SRGAP3: variants seen among roughly 807,000 people sequenced by gnomAD.
SRGAP3 encodes SLIT-ROBO Rho GTPase-activating protein 3.
In SRGAP3, 39 loss-of-function variants were observed where a neutral mutation model predicts 121.1. The observed-to-expected ratio is 0.32, with a 90% CI of 0.25 to 0.42. SRGAP3 has a LOEUF of 0.42. SRGAP3 is among the 10% of genes least tolerant of loss of function. The pLI, the probability that SRGAP3 is intolerant of heterozygous loss-of-function variation, is 1.00. For missense variants in SRGAP3, 1,213 were observed against 1,470.6 expected (o/e 0.82, Z 2.86); for synonymous variants, 601 against 570.0 (o/e 1.05, Z -0.77).
intron 3 of SRGAP3, among the ~76,000 whole-genome samples, chr3:9,323,323 G>A (rs1351753750): frequency 6.6e-6 from 1 of 151,864 alleles, no homozygotes; most frequent in Non-Finnish European, 1.5e-5. Context: ...ATTTTACTGT[G>A]TATTACTTTT....
chr3:8,990,047 T>G (rs1278422766), intron 21 of SRGAP3, among the ~76,000 whole-genome samples: 1 of 152,242 alleles, frequency 6.6e-6, no homozygotes, highest in Admixed American at 6.5e-5. Context: ...AACTGTAAGC[T>G]CCATGTGGGC....
chr3:9,023,711 G>A (rs551622644), intron 14 of SRGAP3, among the ~76,000 whole-genome samples: 33 of 152,224 alleles, frequency 2.2e-4, no homozygotes, highest in African/African-American at 2.9e-4. Context: ...TATGGTATAG[G>A]GCTCAGTGCA....
intron 1 of SRGAP3, among the ~76,000 whole-genome samples, chr3:9,148,626 C>T (rs751158264): frequency 2.6e-5 from 4 of 152,158 alleles, no homozygotes; most frequent in East Asian, 1.9e-4. Flanking sequence ...TTTGACCCCA[C>T]GGGGCCTCCA....
intron 4 of SRGAP3, among the ~76,000 whole-genome samples, chr3:9,068,849 G>T (rs1019105730): frequency 1.3e-5 from 2 of 152,086 alleles, no homozygotes; most frequent in African/African-American, 4.8e-5. Context: ...CCTAATCCTG[G>T]GAGGTAGTGT....
intron 3 of SRGAP3, among the ~76,000 whole-genome samples, chr3:9,096,980 T>TACAC (rs60792299): frequency 2.0e-4 from 14 of 71,012 alleles, no homozygotes; most frequent in African/African-American, 8.0e-4. Context: ...TATATATATA[T>TACAC]ACACATACAC....
At chr3:9,046,853 T>A (rs1945306219) in intron 10 of SRGAP3, among the ~76,000 whole-genome samples, 1 of 150,946 alleles carries the variant, frequency 6.6e-6, no homozygotes, top group African/African-American at 2.4e-5. Context: ...TTTTTGGAGA[T>A]GGAGTCTCGC....
At chr3:9,266,252 T>A (rs1021048488) in intron 3 of SRGAP3, among the ~76,000 whole-genome samples, 1 of 152,198 alleles carries the variant, frequency 6.6e-6, no homozygotes, top group Non-Finnish European at 1.5e-5. Flanking sequence ...GGGATAGCAT[T>A]AGGAGAAATA....
At chr3:9,198,235 T>C (rs1951968275) in intron 1 of SRGAP3, among the ~76,000 whole-genome samples, 1 of 152,244 alleles carries the variant, frequency 6.6e-6, no homozygotes, top group Non-Finnish European at 1.5e-5. Context: ...ATTCTTTATA[T>C]GTCTACATGG....
intron 6 of SRGAP3, chr3:9,059,512 C>G (rs1234082328): frequency 1.3e-5 from 2 of 153,638 alleles, no homozygotes; most frequent in East Asian, 3.8e-4. Context: ...CCATACCAAG[C>G]CTTTACTAAA....
At chr3:9,058,574 C>A in intron 6 of SRGAP3, 102 bp from the exon 7 acceptor site, 1 of 1,237,492 alleles carries the variant, frequency 8.1e-7, no homozygotes. Context: ...CTTTCCACAG[C>A]CGAATCTTCC....
chr3:9,060,072 C>T (rs1946063869), intron 6 of SRGAP3, 159 bp downstream of exon 6: 1 of 1,160,334 alleles, frequency 8.6e-7, no homozygotes, highest in Non-Finnish European at 1.2e-6. Context: ...CATTTTCCAC[C>T]TCCCCAAATC....
chr3:9,106,565 T>C (rs1275445706), intron 2 of SRGAP3, among the ~76,000 whole-genome samples: 1 of 152,172 alleles, frequency 6.6e-6, no homozygotes, highest in African/African-American at 2.4e-5. Flanking sequence ...AATTCCCACA[T>C]GTTGTGGGAA....
At chr3:9,017,204 C>T (rs1943681773) in intron 14 of SRGAP3, among the ~76,000 whole-genome samples, 1 of 152,084 alleles carries the variant, frequency 6.6e-6, no homozygotes, top group Admixed American at 6.5e-5. Flanking sequence ...AAAGACCTTC[C>T]AGATCCTTTC....
At chr3:9,100,085 G>A (rs1560146816) in intron 3 of SRGAP3, among the ~76,000 whole-genome samples, 1 of 152,294 alleles carries the variant, frequency 6.6e-6, no homozygotes, top group Non-Finnish European at 1.5e-5. Context: ...CGTGATTTTG[G>A]GAGAAATCTT....
chr3:9,122,526 G>A (rs1398191497), intron 2 of SRGAP3, among the ~76,000 whole-genome samples: 5 of 151,874 alleles, frequency 3.3e-5, no homozygotes, highest in African/African-American at 7.3e-5. Flanking sequence ...TGGCTAACAT[G>A]GTGAAACCCC....
At chr3:9,265,542 A>T (rs1327077501) in intron 3 of SRGAP3, among the ~76,000 whole-genome samples, 1 of 152,164 alleles carries the variant, frequency 6.6e-6, no homozygotes, top group Non-Finnish European at 1.5e-5. Flanking sequence ...AAAAAACCCC[A>T]TCAAAAAGTG....
intron 1 of SRGAP3, among the ~76,000 whole-genome samples, chr3:9,181,844 A>C (rs1043645195): frequency 6.6e-6 from 1 of 152,180 alleles, no homozygotes; most frequent in Non-Finnish European, 1.5e-5. Flanking sequence ...TGGAGTCCTC[A>C]TCCCAATAAC....
At chr3:9,130,162 A>T (rs935084748) in intron 1 of SRGAP3, among the ~76,000 whole-genome samples, 1 of 152,128 alleles carries the variant, frequency 6.6e-6, no homozygotes, top group Non-Finnish European at 1.5e-5. Context: ...TGGCACACAC[A>T]TTCACGCCAC....
At chr3:9,053,298 G>T in intron 8 of SRGAP3, 74 bp from the exon 9 acceptor site, 2 of 1,445,024 alleles carry the variant, frequency 1.4e-6, no homozygotes, top group Non-Finnish European at 1.9e-6. Context: ...CCCTTTCCCA[G>T]CTGTCACTTT....
Sources: gnomAD v4.1 joint callset for allele counts (sites outside exome capture counted in the v4.1 genomes callset) on GRCh38, gnomAD v4.1.1 for gene constraint, MANE v1.5 for transcripts, NCBI Gene and HGNC (gene_info 2026-07-23, HGNC 2026-07-21) for gene names.